WWTR1: variants seen among roughly 807,000 people sequenced by gnomAD.
WWTR1 encodes WW domain containing transcription regulator 1.
A neutral mutation model predicts 40.1 loss-of-function variants in WWTR1; 13 were observed. The observed-to-expected ratio is 0.32, with a 90% CI of 0.21 to 0.52. WWTR1 has a LOEUF of 0.52. Ranked by LOEUF, WWTR1 falls within the 20% of genes least tolerant of loss-of-function variation. The probability of loss-of-function intolerance (pLI) is 0.97; values close to 1 mark genes in which losing one functional copy is unlikely to be tolerated. For synonymous variants in WWTR1, 230 were observed against 210.1 expected (o/e 1.09, Z -0.82); for missense variants, 436 against 523.1 (o/e 0.83, Z 1.63).
At chr3:149,633,447 C>G (rs1343682538) in intron 2 of WWTR1, among the ~76,000 whole-genome samples, 1 of 152,128 alleles carries the variant, frequency 6.6e-6, no homozygotes. Context: ...GAAACTTGGC[C>G]ATTATCTCCT....
At chr3:149,644,174 C>A (rs1712352438) in intron 2 of WWTR1, among the ~76,000 whole-genome samples, 1 of 152,190 alleles carries the variant, frequency 6.6e-6, no homozygotes, top group African/African-American at 2.4e-5. Flanking sequence ...CAGCAATCTG[C>A]AAATCTTCCT....
intron 2 of WWTR1, among the ~76,000 whole-genome samples, chr3:149,592,225 C>A (rs116434138): frequency 0.037 from 5,641 of 152,268 alleles, 136 homozygotes; most frequent in Non-Finnish European, 0.053. Flanking sequence ...TTCTAGTTTT[C>A]AATTAGCTTA....
chr3:149,679,717 G>T (rs985621711), intron 1 of WWTR1, among the ~76,000 whole-genome samples: 4 of 152,100 alleles, frequency 2.6e-5, no homozygotes, highest in South Asian at 4.1e-4. Context: ...GGAGCCAAAG[G>T]TTGGCAAAGA....
At chr3:149,615,482 G>A (rs750272265) in intron 2 of WWTR1, among the ~76,000 whole-genome samples, 8 of 152,210 alleles carry the variant, frequency 5.3e-5, no homozygotes, top group Non-Finnish European at 7.3e-5. Flanking sequence ...TGGTAGGTAC[G>A]TGGGAAATTA....
At chr3:149,628,583 C>T (rs1189542558) in intron 2 of WWTR1, among the ~76,000 whole-genome samples, 1 of 152,098 alleles carries the variant, frequency 6.6e-6, no homozygotes, top group African/African-American at 2.4e-5. Context: ...CACATATATC[C>T]TTGTCCGCAG....
intron 1 of WWTR1, among the ~76,000 whole-genome samples, chr3:149,698,663 C>T (rs984736975): frequency 1.3e-5 from 2 of 152,246 alleles, no homozygotes; most frequent in East Asian, 3.8e-4. Flanking sequence ...CCTGGACACC[C>T]AGGCTTTTCC....
At chr3:149,691,361 C>G (rs1028497292) in intron 1 of WWTR1, among the ~76,000 whole-genome samples, 4 of 149,216 alleles carry the variant, frequency 2.7e-5, no homozygotes, top group African/African-American at 7.4e-5. Context: ...TACAAAGGAA[C>G]AATAAAATGA....
chr3:149,535,247 A>G (rs947360517), intron 4 of WWTR1, among the ~76,000 whole-genome samples: 13 of 150,364 alleles, frequency 8.6e-5, no homozygotes, highest in Admixed American at 3.3e-4. Flanking sequence ...AAAAAAAAAG[A>G]CAGTATTTTG....
intron 1 of WWTR1, among the ~76,000 whole-genome samples, chr3:149,684,133 T>C (rs1033983199): frequency 6.6e-6 from 1 of 152,188 alleles, no homozygotes; most frequent in Admixed American, 6.5e-5. Flanking sequence ...AGGTATTTAC[T>C]GGTACATGCA....
intron 6 of WWTR1, among the ~76,000 whole-genome samples, chr3:149,522,736 C>T (rs1056579247): frequency 2.0e-5 from 3 of 151,982 alleles, no homozygotes; most frequent in African/African-American, 7.3e-5. Flanking sequence ...AGCAAAATCT[C>T]TGTTTTAAAG....
chr3:149,721,332 A>T (rs1051180380), intron 4 of WWTR1, among the ~76,000 whole-genome samples: 4 of 152,172 alleles, frequency 2.6e-5, no homozygotes, highest in Non-Finnish European at 4.4e-5. Flanking sequence ...ATTTTGTCAA[A>T]TGCTTTTTCT....
chr3:149,564,538 T>C (rs547084266), intron 3 of WWTR1, among the ~76,000 whole-genome samples: 3 of 151,896 alleles, frequency 2.0e-5, no homozygotes, highest in South Asian at 4.2e-4. Context: ...TATAACCGCA[T>C]TACAGAGAAA....
At chr3:149,608,681 G>A (rs1315691530) in intron 2 of WWTR1, among the ~76,000 whole-genome samples, 5 of 151,954 alleles carry the variant, frequency 3.3e-5, no homozygotes, top group Non-Finnish European at 5.9e-5. Flanking sequence ...GAGTCACCAC[G>A]CCAGGCCTAA....
At chr3:149,646,181 T>C (rs1054687777) in intron 2 of WWTR1, among the ~76,000 whole-genome samples, 1 of 152,164 alleles carries the variant, frequency 6.6e-6, no homozygotes, top group African/African-American at 2.4e-5. Flanking sequence ...AATAGATGAA[T>C]TGATTAAGAG....
intron 4 of WWTR1, chr3:149,540,311 C>T: frequency 2.2e-6 from 1 of 456,394 alleles, no homozygotes. Context: ...ATCAGTACTA[C>T]ATCCTGGTTC....
chr3:149,611,641 G>A (rs76609863), intron 2 of WWTR1, among the ~76,000 whole-genome samples: 33 of 152,324 alleles, frequency 2.2e-4, no homozygotes, highest in African/African-American at 7.9e-4. Flanking sequence ...GCCAAGGCGA[G>A]ATGAGTCTGA....
intron 2 of WWTR1, among the ~76,000 whole-genome samples, chr3:149,607,817 TC>T (rs944463245): frequency 5.9e-5 from 9 of 152,212 alleles, no homozygotes; most frequent in African/African-American, 2.2e-4. Flanking sequence ...TAAAATTTCC[TC>T]TGGTAATTCA....
rs1343704616 is a variant in WWTR1, at chr3:149,567,831, T to A, written c.568+5033A>T. ...TAACCCAATACATAAACGTCTAAAT[T>A]AAGAGAAACTCAGTTCTGACTTCAA... On this transcript the variant is annotated intron_variant, in intron 3 of 6. Transcript: ENST00000360632. Among the ~76,000 whole-genome samples the A allele has an allele frequency of 5.3e-5, 8 of 152,178 alleles. No homozygotes were observed. In the East Asian group the frequency reaches 1.4e-3, roughly 26 times the overall value.
intron 2 of WWTR1, among the ~76,000 whole-genome samples, chr3:149,588,586 T>A (rs1247826636): frequency 6.6e-6 from 1 of 152,226 alleles, no homozygotes; most frequent in Admixed American, 6.5e-5. Context: ...AAATATATTG[T>A]GGGAGTGAAC....
Sources: allele counts gnomAD v4.1 joint callset (sites outside exome capture counted in the v4.1 genomes callset), GRCh38; gene constraint gnomAD v4.1.1; transcripts MANE v1.5; gene names NCBI Gene and HGNC (gene_info 2026-07-23, HGNC 2026-07-21).